WDR17: variants seen among roughly 807,000 people sequenced by gnomAD.
WDR17 encodes the protein WD repeat domain 17.
Under a neutral mutation model 161.7 loss-of-function variants are expected in WDR17, and 143 were observed. The observed-to-expected ratio is 0.88, with a 90% CI of 0.77 to 1.02. The LOEUF is 1.02. WDR17 is among the 50% of genes least tolerant of loss of function. The pLI is 0.00. For missense variants in WDR17, 1,469 were observed against 1,520.9 expected, an observed-to-expected ratio of 0.97 and a Z score of 0.57; for synonymous variants, 517 against 515.6, an observed-to-expected ratio of 1.00 and a Z score of -0.04.
chr4:176,177,057 G>A lies in WDR17; in HGVS notation c.3450-1G>A. 6.2e-7 allele frequency: 1 copy of A among 1,612,134 alleles called. No individual in the cohort carries two copies. Among genetic ancestry groups the A allele is most frequent in the Non-Finnish European group, 8.5e-7 (1 of 1,178,546 alleles). On this transcript the variant is annotated splice_acceptor_variant, in intron 26 of 28. Transcript: ENST00000508596. LOFTEE classifies it high-confidence loss of function. The stretch of plus-strand genomic sequence containing the variant: ...TGTTAATTTCCTTTTCACACGTTCA[G>A]TCAGCTATTAAAACGTCGGGAGGTG...
intron 1 of WDR17, among the ~76,000 whole-genome samples, chr4:176,074,874 T>C (rs1328148433): frequency 6.7e-6 from 1 of 148,640 alleles, no homozygotes; most frequent in Non-Finnish European, 1.5e-5. Context: ...AATAAATATT[T>C]ATTGAGTGGA....
chr4:176,173,152 A>G (rs2126886684), intron 24 of WDR17, 115 bp from the exon 25 acceptor site: 1 of 603,590 alleles, frequency 1.7e-6, no homozygotes, highest in East Asian at 3.1e-5. Context: ...TGATCTAGAA[A>G]ATAAAGAGGT....
chr4:176,106,897 A>T (rs1738827594), intron 1 of WDR17, among the ~76,000 whole-genome samples: 1 of 152,148 alleles, frequency 6.6e-6, no homozygotes, highest in South Asian at 2.1e-4. Flanking sequence ...GTTGCAGTGA[A>T]CTATGATCAT....
chr4:176,140,202 T>C (rs1012091566), intron 10 of WDR17, among the ~76,000 whole-genome samples: 1 of 152,090 alleles, frequency 6.6e-6, no homozygotes, highest in Non-Finnish European at 1.5e-5. Flanking sequence ...AATTGCTTTC[T>C]CAATGAAAAT....
At chr4:176,112,681 C>T (rs1739962462) in intron 2 of WDR17, among the ~76,000 whole-genome samples, 1 of 152,110 alleles carries the variant, frequency 6.6e-6, no homozygotes. Context: ...ATTTTCCCCT[C>T]TTTCTTAGCA....
At chr4:176,076,933 A>G (rs754968877) in intron 1 of WDR17, among the ~76,000 whole-genome samples, 1 of 151,318 alleles carries the variant, frequency 6.6e-6, no homozygotes, top group Non-Finnish European at 1.5e-5. Context: ...ATAGAAATCT[A>G]TGTCAATGTC....
rs769654189 is a variant in WDR17, at chr4:176,150,442, A to C, written c.2179-26A>C. 3.2e-6 allele frequency: 5 copies of C among 1,586,332 alleles called. No homozygotes were observed. In the East Asian group the frequency reaches 9.0e-5, roughly 28 times the overall value. On this transcript the variant is annotated intron_variant, in intron 15 of 28. Coordinates refer to ENST00000508596, the MANE Select transcript of WDR17 (RefSeq NM_181265.4). ...TATGAGGTTTTTAATTCACTATTCC[A>C]TATTTATTTTTTGTCAACTCTTTAG...
chr4:176,132,106 G>A (rs192494060), intron 7 of WDR17, among the ~76,000 whole-genome samples: 8 of 152,094 alleles, frequency 5.3e-5, no homozygotes, highest in East Asian at 1.9e-4. Context: ...ATTGAGTAAC[G>A]TTGGATTATG....
intron 1 of WDR17, among the ~76,000 whole-genome samples, chr4:176,103,717 T>C (rs1429746279): frequency 2.0e-5 from 3 of 151,268 alleles, no homozygotes; most frequent in African/African-American, 7.3e-5. Flanking sequence ...AAATATTGAG[T>C]CTGAGGAACA....
intron 18 of WDR17, 69 bp from the exon 19 acceptor site, chr4:176,159,925 G>GA (rs2126845314): frequency 7.1e-7 from 1 of 1,407,950 alleles, no homozygotes; most frequent in South Asian, 1.7e-5. Flanking sequence ...CATACTTTCA[G>GA]AAAATCTCAA....
At chr4:176,122,322 A>G (rs190503327) in intron 4 of WDR17, among the ~76,000 whole-genome samples, 1 of 152,354 alleles carries the variant, frequency 6.6e-6, no homozygotes. Flanking sequence ...ATCATCTGCG[A>G]AGGCCCTAAT....
chr4:176,164,854 C>T (rs1190106351), intron 22 of WDR17, among the ~76,000 whole-genome samples: 3 of 152,106 alleles, frequency 2.0e-5, no homozygotes, highest in Admixed American at 2.0e-4. Flanking sequence ...TGGTGACTCT[C>T]CTCTGAGAGT....
At position 176,125,200 on chromosome 4, in the gene WDR17, C is replaced by T; in HGVS notation, c.635C>T (p.Thr212Ile). Reference sequence around the variant, plus strand: ...GCCTTGGAATGGGACCCACTATCTACTGATTATCTTCTAGTGGTTAATTTG... The same window carrying T: ...GCCTTGGAATGGGACCCACTATCTATTGATTATCTTCTAGTGGTTAATTTG... The part of the protein sequence containing the change: ...VTALEWDPLS[T>I]DYLLVVNLHY... Residue 212 changes from threonine (T) to isoleucine (I), a missense_variant, in exon 5 of 29, where the codon ACT (threonine) becomes ATT (isoleucine). Physicochemically the swap from Thr to Ile is moderately conservative, Grantham distance 89. Transcript: ENST00000508596. 1 of 1,614,180 alleles carries T rather than the reference C, an allele frequency of 6.2e-7. No individual in the cohort carries two copies. The highest frequency in any genetic ancestry group is 8.5e-7 in the Non-Finnish European group (1 of 1,180,018).
chr4:176,136,147 A>G (rs528095959), intron 8 of WDR17, among the ~76,000 whole-genome samples: 1 of 151,638 alleles, frequency 6.6e-6, no homozygotes, highest in African/African-American at 2.4e-5. Context: ...CATGATACGA[A>G]AAAGGTTAAG....
At chr4:176,130,154 A>T (rs28559986) in intron 6 of WDR17, among the ~76,000 whole-genome samples, 37,556 of 152,136 alleles carry the variant, frequency 0.25, 4,771 homozygotes, top group South Asian at 0.28. Context: ...ATGAAATTTT[A>T]AAAAATAAAC....
At chr4:176,111,829 A>T (rs1739804779) in intron 2 of WDR17, 126 bp downstream of exon 2, 2 of 983,634 alleles carry the variant, frequency 2.0e-6, no homozygotes, top group Admixed American at 4.0e-5. Context: ...TTATATTTTT[A>T]AAGTTTTGTG....
intron 1 of WDR17, among the ~76,000 whole-genome samples, chr4:176,066,739 AAATT>A (rs757848266): frequency 4.0e-4 from 60 of 151,804 alleles, no homozygotes; most frequent in South Asian, 1.0e-3. Flanking sequence ...CATCAAAAAT[AAATT>A]ATTTTGCATA....
chr4:176,131,683 G>A lies in WDR17; in HGVS notation c.1043G>A (p.Gly348Asp). The change falls in exon 7 of 29, where the codon GGT becomes GAT. Residue 348 changes from glycine (G) to aspartate (D), a missense_variant. Gly to Asp is a moderately conservative substitution (Grantham distance 94). Coordinates refer to ENST00000508596, the MANE Select transcript of WDR17 (RefSeq NM_181265.4). ...PGHAVCCFLDGGVGLYDMGAK... is the reference protein window; with the variant it reads ...PGHAVCCFLDDGVGLYDMGAK... ...CATGCAGTGTGTTGTTTCTTGGATG[G>A]TGGAGTTGGACTTTATGATATGGGA... The A allele has an allele frequency of 6.2e-7, 1 of 1,613,476 alleles. No homozygotes were observed. The highest frequency in any genetic ancestry group is 8.5e-7 in the Non-Finnish European group (1 of 1,179,706).
intron 1 of WDR17, among the ~76,000 whole-genome samples, chr4:176,095,135 A>G (rs535254685): frequency 2.0e-5 from 3 of 152,116 alleles, no homozygotes; most frequent in Non-Finnish European, 4.4e-5. Context: ...TGATGGCAGG[A>G]CTTAGATAAA....
Sources: gnomAD v4.1 joint callset for allele counts (sites outside exome capture counted in the v4.1 genomes callset) on GRCh38, gnomAD v4.1.1 for gene constraint, MANE v1.5 for transcripts, NCBI Gene and HGNC (gene_info 2026-07-23, HGNC 2026-07-21) for gene names.